Variants in DSE observed in about 807,000 individuals in gnomAD.
The protein encoded by DSE is dermatan sulfate epimerase.
A neutral mutation model predicts 84.4 loss-of-function variants in DSE; 36 were observed. The ratio of observed to expected loss-of-function variants is 0.43; its 90% CI spans 0.33 to 0.56. DSE has a LOEUF of 0.56. Ranked by LOEUF, DSE falls within the 20% of genes least tolerant of loss-of-function variation. The pLI, the probability that DSE is intolerant of heterozygous loss-of-function variation, is 0.06. For synonymous variants in DSE, 410 were observed against 430.1 expected (o/e 0.95, Z 0.58); for missense variants, 862 against 1,169.6 (o/e 0.74, Z 3.84).
At chr6:116,416,720 A>ATT (rs1170014163) in intron 2 of DSE, among the ~76,000 whole-genome samples, 5 of 146,752 alleles carry the variant, frequency 3.4e-5, no homozygotes, top group African/African-American at 1.0e-4. Context: ...TTGCATGTTT[A>ATT]TTTTTTTTTT....
chr6:116,322,554 C>G (rs1047387145), intron 2 of DSE, among the ~76,000 whole-genome samples: 9 of 151,792 alleles, frequency 5.9e-5, no homozygotes, highest in South Asian at 2.1e-4. Context: ...TCTGCCCCCC[C>G]ACCCCAATTA....
intron 1 of DSE, among the ~76,000 whole-genome samples, chr6:116,383,932 T>G (rs1457829734): frequency 6.6e-6 from 1 of 152,076 alleles, no homozygotes; most frequent in East Asian, 1.9e-4. Flanking sequence ...CCATATTAAG[T>G]TTTTTTTAGC....
At chr6:116,276,413 A>C (rs1773144419) in intron 2 of DSE, among the ~76,000 whole-genome samples, 1 of 152,196 alleles carries the variant, frequency 6.6e-6, no homozygotes, top group African/African-American at 2.4e-5. Flanking sequence ...GAAAAAAGTG[A>C]TTGAGTAAGC....
intron 2 of DSE, among the ~76,000 whole-genome samples, chr6:116,361,075 T>G (rs1269530335): frequency 1.3e-5 from 2 of 151,906 alleles, no homozygotes; most frequent in Non-Finnish European, 2.9e-5. Flanking sequence ...TTTGTTTTTG[T>G]TTTTTTTGAG....
chr6:116,273,005 T>C (rs775140827), intron 2 of DSE, among the ~76,000 whole-genome samples: 10 of 152,218 alleles, frequency 6.6e-5, no homozygotes, highest in Non-Finnish European at 1.0e-4. Context: ...TGTAACCTTA[T>C]AATGCAGTCT....
chr6:116,324,281 C>A (rs556422155), intron 2 of DSE, among the ~76,000 whole-genome samples: 18 of 152,228 alleles, frequency 1.2e-4, no homozygotes, highest in African/African-American at 4.3e-4. Context: ...CAGTTTTTGG[C>A]CTAACTCCAA....
chr6:116,371,658 C>T (rs934474387), intron 1 of DSE, among the ~76,000 whole-genome samples: 2 of 152,208 alleles, frequency 1.3e-5, no homozygotes, highest in Non-Finnish European at 2.9e-5. Flanking sequence ...CTCCCCAAGC[C>T]TCTCCCAGAC....
rs138701511 is a variant in DSE at position 116,333,312 on chromosome 6, A to G, written c.-53-65886A>G. 3.0e-4 allele frequency among the ~76,000 whole-genome samples: 46 copies of G among 152,242 alleles called. No individual in the cohort carries two copies. In the East Asian group the frequency reaches 7.7e-3, roughly 26 times the overall value. On this transcript the variant is annotated intron_variant, in intron 2 of 3. Transcript: ENST00000430252. The stretch of plus-strand genomic sequence containing the variant: ...GGGAAGTCCAAGGTTGAGGGACCAT[A>G]TTTGGTGAGGGCATTCTTGTTGTAT...
chr6:116,426,620 C>T lies in DSE; in HGVS notation c.463C>T (p.Leu155=). 2 of 1,613,988 alleles carry T rather than the reference C, an allele frequency of 1.2e-6. No individual in the cohort carries two copies. Among genetic ancestry groups the T allele is most frequent in the South Asian group, 2.2e-5 (2 of 91,076 alleles). The change falls in exon 3 of 6, where the codon CTG becomes TTG. Residue 155 remains leucine (L), a synonymous_variant. Transcript: ENST00000644252. ...PWDEVPLAHS[L]VGFATAYDFL... ...GGATGAGGTCCCGCTTGCTCACTCC[C>T]TGGTTGGTTTTGCCACTGCTTATGA...
At chr6:116,345,626 G>C (rs1583058477) in intron 2 of DSE, among the ~76,000 whole-genome samples, 2 of 152,086 alleles carry the variant, frequency 1.3e-5, no homozygotes, top group South Asian at 2.1e-4. Context: ...GCAGTGTGTA[G>C]AGGGAAATTT....
At chr6:116,335,191 G>A (rs1050617795) in intron 2 of DSE, among the ~76,000 whole-genome samples, 1 of 152,194 alleles carries the variant, frequency 6.6e-6, no homozygotes, top group African/African-American at 2.4e-5. Flanking sequence ...ATACTATGCA[G>A]CCATAAAAAG....
intron 2 of DSE, among the ~76,000 whole-genome samples, chr6:116,327,699 A>C (rs2114780608): frequency 6.6e-6 from 1 of 152,318 alleles, no homozygotes; most frequent in Middle Eastern, 3.4e-3. Flanking sequence ...CGGTGAGCCC[A>C]TTATTTGTTT....
intron 2 of DSE, among the ~76,000 whole-genome samples, chr6:116,299,547 T>TACACACACAC (rs1562213572): frequency 2.0e-5 from 1 of 50,054 alleles, no homozygotes; most frequent in Non-Finnish European, 3.0e-5. Flanking sequence ...TATATATATA[T>TACACACACAC]ATATACACAT....
intron 1 of DSE, among the ~76,000 whole-genome samples, chr6:116,395,341 C>T (rs1781178178): frequency 6.6e-6 from 1 of 152,072 alleles, no homozygotes; most frequent in South Asian, 2.1e-4. Context: ...AGGAGAATGG[C>T]GTGAACCCAG....
At chr6:116,260,250 T>G (rs1461955564) in intron 2 of DSE, among the ~76,000 whole-genome samples, 1 of 152,248 alleles carries the variant, frequency 6.6e-6, no homozygotes, top group Non-Finnish European at 1.5e-5. Flanking sequence ...GTTGAGCTTT[T>G]TTTTTCACAT....
chr6:116,322,040 A>G (rs774439694), intron 2 of DSE, among the ~76,000 whole-genome samples: 6 of 152,256 alleles, frequency 3.9e-5, no homozygotes, highest in African/African-American at 9.6e-5. Flanking sequence ...CGAGCTCCCC[A>G]AGTGAGCAAT....
chr6:116,401,829 A>G (rs1056361584), intron 2 of DSE, among the ~76,000 whole-genome samples: 6 of 152,158 alleles, frequency 3.9e-5, no homozygotes, highest in African/African-American at 1.4e-4. Flanking sequence ...TCATTGACTT[A>G]GGATATAATT....
chr6:116,416,968 A>G (rs1048626982), intron 2 of DSE, among the ~76,000 whole-genome samples: 2 of 152,230 alleles, frequency 1.3e-5, no homozygotes, highest in African/African-American at 2.4e-5. Context: ...CATGAACAAT[A>G]TAGGCAGACC....
intron 1 of DSE, among the ~76,000 whole-genome samples, chr6:116,371,546 C>T (rs965092025): frequency 2.6e-5 from 4 of 152,224 alleles, no homozygotes; most frequent in African/African-American, 9.6e-5. Context: ...CCTCCTTTCC[C>T]TCCGTACCCC....
Sources: gnomAD v4.1 joint callset for allele counts (sites outside exome capture counted in the v4.1 genomes callset) on GRCh38, gnomAD v4.1.1 for gene constraint, MANE v1.5 for transcripts, NCBI Gene and HGNC (gene_info 2026-07-23, HGNC 2026-07-21) for gene names.